Variants in KY observed in about 807,000 individuals in gnomAD.
KY encodes kyphoscoliosis peptidase.
In KY, 43 loss-of-function variants were observed where a neutral mutation model predicts 76.1. The observed-to-expected ratio is 0.57, with a 90% CI of 0.44 to 0.73. The LOEUF (loss-of-function observed/expected upper bound fraction) is 0.73. KY is among the 30% of genes least tolerant of loss of function. The pLI, the probability that KY is intolerant of heterozygous loss-of-function variation, is 0.00. For missense variants in KY, 722 were observed against 828.9 expected (o/e 0.87, Z 1.58); for synonymous variants, 277 against 326.2 (o/e 0.85, Z 1.63).
chr3:134,606,465 G>A (rs770693703), intron 10 of KY, among the ~76,000 whole-genome samples: 2 of 152,050 alleles, frequency 1.3e-5, no homozygotes, highest in Non-Finnish European at 2.9e-5. Flanking sequence ...CCTGGATAAG[G>A]CTTCATGGTA....
chr3:134,607,193 C>T, intron 10 of KY: 5 of 985,452 alleles, frequency 5.1e-6, no homozygotes, highest in Non-Finnish European at 6.0e-6. Context: ...GTTGTAAGCA[C>T]AGGAAATGGA....
intron 3 of KY, among the ~76,000 whole-genome samples, chr3:134,641,767 A>T (rs912194168): frequency 6.6e-6 from 1 of 152,086 alleles, no homozygotes; most frequent in Non-Finnish European, 1.5e-5. Flanking sequence ...TTCCTGCTTT[A>T]CTTCCCCCTT....
intron 2 of KY, among the ~76,000 whole-genome samples, chr3:134,646,329 G>A (rs1560146668): frequency 6.6e-6 from 1 of 152,166 alleles, no homozygotes; most frequent in Admixed American, 6.5e-5. Context: ...GCAGTGGTGG[G>A]GTGGGGATGG....
chr3:134,648,432 A>G (rs1012387649), intron 1 of KY, among the ~76,000 whole-genome samples: 2 of 152,150 alleles, frequency 1.3e-5, no homozygotes. Flanking sequence ...AACCACATAG[A>G]CTTTTGGGAT....
chr3:134,601,579 T>C lies in KY; in HGVS notation c.*2000A>G, dbSNP rs1479631928. Among the ~76,000 whole-genome samples, 2 of 152,238 alleles carry C rather than the reference T, an allele frequency of 1.3e-5. No individual in the cohort carries two copies. The highest frequency in any genetic ancestry group is 1.9e-4 in the East Asian group (1 of 5,198). On this transcript the variant is annotated 3_prime_UTR_variant, in exon 11 of 11. Coordinates refer to ENST00000423778, the MANE Select transcript of KY (RefSeq NM_178554.6). ...TAAAACTCCCTTTGTTTCCCTGTGGTGGTGCATAGCTGTTATGCCTCCGGG... is the reference window on the plus strand; with the variant it reads ...TAAAACTCCCTTTGTTTCCCTGTGGCGGTGCATAGCTGTTATGCCTCCGGG...
At chr3:134,650,312 G>A (rs1056392488) in intron 1 of KY, among the ~76,000 whole-genome samples, 6 of 152,190 alleles carry the variant, frequency 3.9e-5, no homozygotes, top group Admixed American at 6.5e-5. Context: ...TCCATCTATA[G>A]GAGGCTGGGA....
intron 9 of KY, 77 bp downstream of exon 9, chr3:134,610,118 C>T (rs1960101552): frequency 2.0e-6 from 3 of 1,487,748 alleles, no homozygotes; most frequent in South Asian, 2.5e-5. Context: ...GTCTTCTCCA[C>T]CTGCTGCTTC....
intron 10 of KY, chr3:134,607,681 G>T (rs866499287): frequency 7.1e-6 from 7 of 985,644 alleles, no homozygotes; most frequent in Admixed American, 6.1e-5. Flanking sequence ...GGCCCTCCAG[G>T]GCAGCCCCCG....
At chr3:134,643,295 G>A in intron 3 of KY, 21 bp downstream of exon 3, 1 of 1,612,896 alleles carries the variant, frequency 6.2e-7, no homozygotes, top group Non-Finnish European at 8.5e-7. Context: ...GGGAGGTCAC[G>A]GCTAGCGGCG....
chr3:134,627,243 T>C (rs1377887928), intron 5 of KY, among the ~76,000 whole-genome samples: 1 of 152,188 alleles, frequency 6.6e-6, no homozygotes, highest in African/African-American at 2.4e-5. Context: ...ATTCTGATTT[T>C]AAAGCAAAAC....
At chr3:134,608,606 T>C (rs1443802784) in intron 10 of KY, 43 bp downstream of exon 10, 4 of 1,613,798 alleles carry the variant, frequency 2.5e-6, no homozygotes, top group Admixed American at 3.3e-5. Flanking sequence ...TGCGAAATGC[T>C]CCATTCCTGC....
chr3:134,612,374 G>A (rs1316723814), intron 8 of KY, among the ~76,000 whole-genome samples: 1 of 152,204 alleles, frequency 6.6e-6, no homozygotes, highest in Non-Finnish European at 1.5e-5. Context: ...GGAAGGAAGG[G>A]GAGAAGGGGC....
intron 3 of KY, among the ~76,000 whole-genome samples, chr3:134,636,787 C>G (rs1240443225): frequency 1.3e-5 from 2 of 152,082 alleles, no homozygotes; most frequent in African/African-American, 2.4e-5. Context: ...TTTTATCAAC[C>G]CTTTAAATTT....
chr3:134,650,580 A>T (rs1966857671), intron 1 of KY, among the ~76,000 whole-genome samples: 1 of 152,170 alleles, frequency 6.6e-6, no homozygotes, highest in Non-Finnish European at 1.5e-5. Flanking sequence ...GGGGTGACGG[A>T]AGCACCCACA....
At chr3:134,650,365 A>G in intron 1 of KY, among the ~76,000 whole-genome samples, 1 of 152,146 alleles carries the variant, frequency 6.6e-6, no homozygotes, top group South Asian at 2.1e-4. Context: ...AAATTGTGCA[A>G]GGCCACACAG....
intron 4 of KY, chr3:134,629,414 T>C: frequency 3.6e-6 from 2 of 555,508 alleles, no homozygotes; most frequent in Non-Finnish European, 6.5e-6. Context: ...CTATGACTAG[T>C]TCCAGAGATG....
rs752765230 is a variant in KY, at chr3:134,604,450, A to T, written c.1115T>A (p.Ile372Asn). ...RTVNGKATVT[I>N]ESCAPTLFMF... ...GAACAGCGTCGGGGCGCAGCTCTCA[A>T]TGGTGACCGTGGCCTTCCCATTCAC... The change falls in exon 11 of 11, where the codon ATT becomes AAT. Residue 372 changes from isoleucine to asparagine, a missense_variant. Ile to Asn is a moderately radical substitution (Grantham distance 149, BLOSUM62 -3). This residue lies in a region of KY where 552 missense variants were observed against 680.9 expected (regional missense o/e 0.81). Transcript: ENST00000423778. 1 of 1,609,528 alleles carries T rather than the reference A, an allele frequency of 6.2e-7. No individual in the cohort carries two copies. The highest frequency in any genetic ancestry group is 8.5e-7 in the Non-Finnish European group (1 of 1,177,024).
intron 10 of KY, chr3:134,608,435 C>A (rs528963411): frequency 1.3e-6 from 2 of 1,510,420 alleles, no homozygotes; most frequent in East Asian, 5.2e-5. Flanking sequence ...TTTGTCCCTG[C>A]TGATGTGGCC....
chr3:134,607,130 A>T, intron 10 of KY: 1 of 985,486 alleles, frequency 1.0e-6, no homozygotes, highest in Non-Finnish European at 1.2e-6. Flanking sequence ...TGACCTGGTC[A>T]GTTCTTTCCG....
Sources: gnomAD v4.1 joint callset for allele counts (sites outside exome capture counted in the v4.1 genomes callset) on GRCh38, gnomAD v4.1.1 for gene constraint, gnomAD v4.1.1 regional missense constraint, MANE v1.5 for transcripts, NCBI Gene and HGNC (gene_info 2026-07-23, HGNC 2026-07-21) for gene names.